CAMSAP2: variants seen among roughly 807,000 people sequenced by gnomAD.
The protein encoded by CAMSAP2 is calmodulin regulated spectrin associated protein family member 2.
Under a neutral mutation model 146.1 loss-of-function variants are expected in CAMSAP2, and 26 were observed. The ratio of observed to expected loss-of-function variants is 0.18; its 90% CI spans 0.13 to 0.25. The LOEUF is 0.25. Among genes scored for constraint, CAMSAP2 ranks in the 10% least tolerant of loss-of-function variants. CAMSAP2 has a pLI of 1.00. For synonymous variants in CAMSAP2, 499 were observed against 596.6 expected, an observed-to-expected ratio of 0.84 and a Z score of 2.38; for missense variants, 1,381 against 1,759.3, an observed-to-expected ratio of 0.78 and a Z score of 3.85.
chr1:200,816,975 T>C (rs558607246), intron 4 of CAMSAP2, among the ~76,000 whole-genome samples: 1 of 128,056 alleles, frequency 7.8e-6, no homozygotes, highest in African/African-American at 2.8e-5. Context: ...TGTATGTGTA[T>C]ATATCTACAC....
At chr1:200,851,769 C>T (rs16847267) in intron 11 of CAMSAP2, among the ~76,000 whole-genome samples, 21,152 of 152,016 alleles carry the variant, frequency 0.14, 1,557 homozygotes, top group African/African-American at 0.19. Flanking sequence ...GTATGTTAGA[C>T]ACCAAAGAAA....
intron 3 of CAMSAP2, among the ~76,000 whole-genome samples, chr1:200,808,513 G>A (rs955614686): frequency 6.6e-6 from 1 of 152,202 alleles, no homozygotes; most frequent in African/African-American, 2.4e-5. Context: ...CACTATTACA[G>A]CTATCTTCAT....
At chr1:200,817,457 A>G (rs74136251) in intron 4 of CAMSAP2, among the ~76,000 whole-genome samples, 1 of 152,276 alleles carries the variant, frequency 6.6e-6, no homozygotes, top group African/African-American at 2.4e-5. Context: ...GATATAGTAT[A>G]TCTTACGTCT....
chr1:200,848,222 A>C lies in CAMSAP2; in HGVS notation c.1453A>C (p.Ser485Arg), dbSNP rs889957111. 1.2e-6 allele frequency: 2 copies of C among 1,613,704 alleles called. No individual in the cohort carries two copies. The highest frequency in any genetic ancestry group is 1.3e-5 in the African/African-American group (1 of 74,924). ...AATAAATGGAGAAGAGGAAGCAGAGAGCATTGAAGAAGAACTTAATATAGA... is the reference window on the plus strand; with the variant it reads ...AATAAATGGAGAAGAGGAAGCAGAGCGCATTGAAGAAGAACTTAATATAGA... ...KPINGEEEAESIEEELNIDSH... is the reference protein window; with the variant it reads ...KPINGEEEAERIEEELNIDSH... The change falls in exon 11 of 17, where the codon AGC becomes CGC. Residue 485 changes from serine to arginine, a missense_variant. Physicochemically the swap from Ser to Arg is moderately radical, Grantham distance 110. This residue lies in a region of CAMSAP2 where 447 missense variants were observed against 462.2 expected (regional missense o/e 0.97). Transcript: ENST00000358823.
intron 8 of CAMSAP2, among the ~76,000 whole-genome samples, chr1:200,845,641 A>G (rs1324014848): frequency 6.6e-6 from 1 of 152,118 alleles, no homozygotes; most frequent in Admixed American, 6.6e-5. Context: ...AGGCATCTCT[A>G]CATCCACCCA....
chr1:200,807,296 G>T, intron 2 of CAMSAP2, 80 bp from the exon 3 acceptor site: 1 of 1,098,510 alleles, frequency 9.1e-7, no homozygotes, highest in Non-Finnish European at 1.2e-6. Context: ...GTTAGGAGAT[G>T]TCATTAACAT....
At chr1:200,774,315 A>G (rs900969974) in intron 2 of CAMSAP2, among the ~76,000 whole-genome samples, 2 of 152,062 alleles carry the variant, frequency 1.3e-5, no homozygotes, top group Middle Eastern at 3.2e-3. Context: ...TAGAAAAAAA[A>G]AAAATCTTTA....
intron 3 of CAMSAP2, among the ~76,000 whole-genome samples, chr1:200,808,882 T>C (rs968582393): frequency 2.0e-5 from 3 of 152,260 alleles, no homozygotes; most frequent in African/African-American, 7.2e-5. Context: ...TCAGTTCTTA[T>C]GTCTCCCCTT....
At chr1:200,789,872 T>A (rs1411649633) in intron 2 of CAMSAP2, among the ~76,000 whole-genome samples, 1 of 152,222 alleles carries the variant, frequency 6.6e-6, no homozygotes, top group African/African-American at 2.4e-5. Flanking sequence ...TGCATTTTTT[T>A]AGATTTATAC....
chr1:200,849,132 T>C lies in CAMSAP2; in HGVS notation c.2363T>C (p.Leu788Pro). 1 of 1,614,072 alleles carries C rather than the reference T, an allele frequency of 6.2e-7. No homozygotes were observed. The highest frequency in any genetic ancestry group is 1.3e-5 in the African/African-American group (1 of 75,018). The part of the protein sequence containing the change: ...QRQKMGRTAF[L>P]TVVKKKGDGI... ...CAGAAAATGGGAAGGACAGCATTCC[T>C]TACTGTAGTGAAAAAGAAAGGGGAT... The change falls in exon 11 of 17, where the codon CTT (leucine) becomes CCT (proline). Residue 788 changes from leucine to proline, a missense_variant. This residue lies in a region of CAMSAP2 where 560 missense variants were observed against 715.9 expected (regional missense o/e 0.78). Coordinates refer to ENST00000358823, the MANE Select transcript of CAMSAP2 (RefSeq NM_203459.4). The surrounding 1 kb of genome is among the most constrained non-coding windows in gnomAD (Gnocchi z 6.3).
intron 6 of CAMSAP2, among the ~76,000 whole-genome samples, chr1:200,838,313 GT>G (rs1667233220): frequency 6.6e-6 from 1 of 152,154 alleles, no homozygotes; most frequent in Admixed American, 6.5e-5. Context: ...AACTAGGCTA[GT>G]AAAATGGAAC....
At chr1:200,741,336 C>T (rs775926482) in intron 1 of CAMSAP2, among the ~76,000 whole-genome samples, 2 of 152,136 alleles carry the variant, frequency 1.3e-5, no homozygotes, top group South Asian at 2.1e-4. Flanking sequence ...GAATGTCTAG[C>T]GTAACTCATA....
chr1:200,848,526 A>G lies in CAMSAP2; in HGVS notation c.1757A>G (p.Gln586Arg). The G allele has an allele frequency of 1.2e-6, 2 of 1,613,974 alleles. No homozygotes were observed. Among genetic ancestry groups the G allele is most frequent in the Non-Finnish European group, 1.7e-6 (2 of 1,179,960 alleles). Residue 586 changes from glutamine to arginine, a missense_variant, in exon 11 of 17, where the codon CAA becomes CGA. Physicochemically the swap from Gln to Arg is conservative, Grantham distance 43 (BLOSUM62 1). Coordinates refer to ENST00000358823, the MANE Select transcript of CAMSAP2 (RefSeq NM_203459.4). ...TTAAATTCAAATATCAAGTTAAATC[A>G]ATCTAGTCCTGATAATGTAACTGAT... ...SILNSNIKLNQSSPDNVTDTK... is the reference protein window; with the variant it reads ...SILNSNIKLNRSSPDNVTDTK...
At chr1:200,764,079 A>G (rs889567087) in intron 2 of CAMSAP2, among the ~76,000 whole-genome samples, 1 of 152,202 alleles carries the variant, frequency 6.6e-6, no homozygotes. Context: ...CTCAAAAAAA[A>G]AGAAAGAAAC....
intron 4 of CAMSAP2, among the ~76,000 whole-genome samples, chr1:200,819,265 T>C (rs950883634): frequency 6.6e-6 from 1 of 152,236 alleles, no homozygotes; most frequent in African/African-American, 2.4e-5. Context: ...AGTTTACTAA[T>C]GTTATTTTCT....
At chr1:200,788,188 A>G (rs557765691) in intron 2 of CAMSAP2, among the ~76,000 whole-genome samples, 17 of 152,190 alleles carry the variant, frequency 1.1e-4, no homozygotes, top group Non-Finnish European at 2.2e-4. Context: ...ATTTCCTCCC[A>G]TGTATTTTTA....
intron 2 of CAMSAP2, among the ~76,000 whole-genome samples, chr1:200,796,269 TA>T (rs1000746626): frequency 6.6e-5 from 10 of 152,094 alleles, no homozygotes; most frequent in African/African-American, 1.7e-4. Context: ...TTTTTTGTGT[TA>T]AAAAAAATCA....
intron 4 of CAMSAP2, among the ~76,000 whole-genome samples, chr1:200,826,889 T>C (rs1471969500): frequency 6.6e-6 from 1 of 151,938 alleles, no homozygotes; most frequent in East Asian, 1.9e-4. Context: ...AAAAAAAAAA[T>C]CAAAAAACCT....
chr1:200,851,976 A>G (rs1181794616), intron 11 of CAMSAP2, among the ~76,000 whole-genome samples: 1 of 152,222 alleles, frequency 6.6e-6, no homozygotes, highest in African/African-American at 2.4e-5. Context: ...TAGCTCTCAA[A>G]TTAAAAGTAC....
Sources: gnomAD v4.1 joint callset for allele counts (sites outside exome capture counted in the v4.1 genomes callset) on GRCh38, gnomAD v4.1.1 for gene constraint, gnomAD v4.1.1 regional missense constraint, Gnocchi (gnomAD v3.1) non-coding constraint, MANE v1.5 for transcripts, NCBI Gene and HGNC (gene_info 2026-07-23, HGNC 2026-07-21) for gene names.